The following HSPA12A variants were observed in gnomAD, a reference collection of about 807,000 sequenced individuals.
The protein encoded by HSPA12A is heat shock 70 kDa protein 12A.
In HSPA12A, 28 loss-of-function variants were observed where a neutral mutation model predicts 69.2. That is an observed-to-expected ratio of 0.40 (90% CI 0.30 to 0.55). The LOEUF (loss-of-function observed/expected upper bound fraction) is 0.55. HSPA12A is among the 20% of genes least tolerant of loss of function. The pLI, the probability that HSPA12A is intolerant of heterozygous loss-of-function variation, is 0.38. For synonymous variants in HSPA12A, 345 were observed against 370.5 expected (o/e 0.93, Z 0.79); for missense variants, 686 against 900.7 (o/e 0.76, Z 3.05).
chr10:116,834,085 G>A (rs777303642), intron 2 of HSPA12A, among the ~76,000 whole-genome samples: 1 of 152,154 alleles, frequency 6.6e-6, no homozygotes, highest in African/African-American at 2.4e-5. Flanking sequence ...TCATAGAAGC[G>A]CTCAGATCTC....
intron 2 of HSPA12A, among the ~76,000 whole-genome samples, chr10:116,755,021 T>G (rs1273787870): frequency 1.3e-5 from 2 of 152,164 alleles, no homozygotes; most frequent in Non-Finnish European, 2.9e-5. Flanking sequence ...TGGCACGATC[T>G]TAGCTCCCTG....
intron 2 of HSPA12A, among the ~76,000 whole-genome samples, chr10:116,796,145 CA>C (rs10522145): frequency 2.7e-5 from 3 of 110,700 alleles, no homozygotes; most frequent in African/African-American, 4.5e-5. Context: ...AAGACTCCAT[CA>C]AAAAAAAAAA....
intron 5 of HSPA12A, among the ~76,000 whole-genome samples, chr10:116,694,409 A>G (rs1211683498): frequency 2.0e-5 from 3 of 152,138 alleles, no homozygotes; most frequent in Admixed American, 1.3e-4. Flanking sequence ...TTCACGGCAT[A>G]TTCCCTGCTG....
At chr10:116,744,154 G>A (rs374058332), upstream of HSPA12A, among the ~76,000 whole-genome samples, 27 of 152,222 alleles carry the variant, frequency 1.8e-4, 2 homozygotes, top group Admixed American at 1.3e-3. Context: ...AGCTACAGCC[G>A]CTCTGATTCT....
intron 2 of HSPA12A, among the ~76,000 whole-genome samples, chr10:116,757,658 T>G (rs1035048950): frequency 3.9e-5 from 6 of 152,224 alleles, no homozygotes; most frequent in Non-Finnish European, 8.8e-5. Flanking sequence ...TTTGATTTCT[T>G]GCTCTGTGAC....
intron 2 of HSPA12A, among the ~76,000 whole-genome samples, chr10:116,796,763 G>T (rs1181376313): frequency 3.9e-5 from 6 of 152,140 alleles, no homozygotes; most frequent in African/African-American, 1.4e-4. Context: ...CCCACCCTTG[G>T]ATGGGGAACA....
chr10:116,683,490 G>A (rs1554878993), intron 7 of HSPA12A: 1 of 265,520 alleles, frequency 3.8e-6, no homozygotes, highest in Non-Finnish European at 7.1e-6. Flanking sequence ...AAGATTAAGA[G>A]CCTAGTACAA....
In HSPA12A at chr10:116,723,021, C is replaced by A. The variant is rs782228154; in HGVS notation, c.41-15736G>T. Among the ~76,000 whole-genome samples the A allele has an allele frequency of 6.6e-6, 1 of 152,106 alleles. No homozygotes were observed. The highest frequency in any genetic ancestry group is 1.5e-5 in the Non-Finnish European group (1 of 67,996). On this transcript the variant is annotated intron_variant, in intron 1 of 11. Coordinates refer to ENST00000369209, the MANE Select transcript of HSPA12A (RefSeq NM_025015.3). This position sits in a 1 kb window ranked among gnomAD's most constrained non-coding sequence, Gnocchi z 4.1. ...GGCAAAAGCAGAGCGGTATGAAGGG[C>A]TTCCCAGAGAGCCTTATACTCTCCC...
chr10:116,691,886 C>T (rs1178213499), intron 6 of HSPA12A, among the ~76,000 whole-genome samples: 2 of 152,372 alleles, frequency 1.3e-5, no homozygotes, highest in South Asian at 2.1e-4. Context: ...TTCTTTTCTG[C>T]GGCAGACATG....
At chr10:116,719,237 G>C (rs1850701185) in intron 1 of HSPA12A, among the ~76,000 whole-genome samples, 2 of 152,230 alleles carry the variant, frequency 1.3e-5, no homozygotes, top group African/African-American at 4.8e-5. Context: ...GAACGTGGGA[G>C]TGGGTTTGTG....
At chr10:116,707,330 G>T in intron 1 of HSPA12A, 45 bp from the exon 2 acceptor site, 1 of 1,445,144 alleles carries the variant, frequency 6.9e-7, no homozygotes, top group South Asian at 1.2e-5. Flanking sequence ...GGCATGGACT[G>T]ACCCAGGGGG....
intron 1 of HSPA12A, among the ~76,000 whole-genome samples, chr10:116,711,964 G>C (rs1554883149): frequency 6.6e-6 from 1 of 152,094 alleles, no homozygotes; most frequent in African/African-American, 2.4e-5. Flanking sequence ...TGGGATTACA[G>C]GCGTGAGCCA....
At chr10:116,821,558 C>A (rs772930261) in intron 2 of HSPA12A, among the ~76,000 whole-genome samples, 1 of 152,242 alleles carries the variant, frequency 6.6e-6, no homozygotes. Context: ...GATTTGCACA[C>A]ATACACACAT....
chr10:116,791,005 T>C (rs1391133644), intron 2 of HSPA12A, among the ~76,000 whole-genome samples: 1 of 152,256 alleles, frequency 6.6e-6, no homozygotes, highest in Non-Finnish European at 1.5e-5. Context: ...CAGTTATCTT[T>C]GTATTCATAG....
intron 2 of HSPA12A, among the ~76,000 whole-genome samples, chr10:116,761,367 T>TC (rs1231964790): frequency 3.1e-4 from 47 of 151,762 alleles, no homozygotes; most frequent in African/African-American, 1.1e-3. Flanking sequence ...ACACCTGTAG[T>TC]CCCAGCTACT....
At chr10:116,765,677 G>A (rs1256304680) in intron 2 of HSPA12A, among the ~76,000 whole-genome samples, 2 of 152,092 alleles carry the variant, frequency 1.3e-5, no homozygotes, top group African/African-American at 4.8e-5. Context: ...AAGGAAAGAA[G>A]ACACACACGT....
At chr10:116,816,089 G>T (rs1845297539) in intron 2 of HSPA12A, among the ~76,000 whole-genome samples, 1 of 152,158 alleles carries the variant, frequency 6.6e-6, no homozygotes, top group South Asian at 2.1e-4. Flanking sequence ...ACTGAGGCTT[G>T]GAGAAGGAAA....
chr10:116,814,420 T>C (rs1301695056), intron 2 of HSPA12A, among the ~76,000 whole-genome samples: 1 of 152,238 alleles, frequency 6.6e-6, no homozygotes, highest in Non-Finnish European at 1.5e-5. Context: ...TTTGCTCACC[T>C]GTGACATATC....
In HSPA12A at chr10:116,676,538, A is replaced by G. The variant is rs781844228; in HGVS notation, c.1287-36T>C. ...ATAGCATGGAGAAGAGCAGGCAGTG[A>G]GGGTCTACACGATACCCAGGCTTAT... On this transcript the variant is annotated intron_variant, in intron 10 of 11. Coordinates refer to ENST00000369209, the MANE Select transcript of HSPA12A (RefSeq NM_025015.3). 3 of 1,514,124 alleles carry G rather than the reference A, an allele frequency of 2.0e-6. No homozygotes were observed. In the Admixed American group the frequency reaches 5.0e-5, roughly 25 times the overall value. 93.8% of individuals were successfully genotyped at this position (1,514,124 alleles called of 1,614,324 possible).
Sources: allele counts gnomAD v4.1 joint callset (sites outside exome capture counted in the v4.1 genomes callset), GRCh38; gene constraint gnomAD v4.1.1; non-coding constraint Gnocchi (gnomAD v3.1); transcripts MANE v1.5; gene names NCBI Gene and HGNC (gene_info 2026-07-23, HGNC 2026-07-21).